PXDNL: variants seen among roughly 807,000 people sequenced by gnomAD.
The protein encoded by PXDNL is probable oxidoreductase PXDNL.
Under a neutral mutation model 150.8 loss-of-function variants are expected in PXDNL, and 145 were observed. The observed-to-expected ratio is 0.96, with a 90% CI of 0.84 to 1.10. The LOEUF (loss-of-function observed/expected upper bound fraction) is 1.10, where lower values mean the gene tolerates loss of function less well. Among genes scored for constraint, PXDNL ranks in the 50% least tolerant of loss-of-function variants. The pLI, the probability that PXDNL is intolerant of heterozygous loss-of-function variation, is 0.00. For synonymous variants in PXDNL, 757 were observed against 725.7 expected (o/e 1.04, Z -0.69); for missense variants, 2,087 against 1,873.9 (o/e 1.11, Z -2.10).
intron 1 of PXDNL, among the ~76,000 whole-genome samples, chr8:51,704,173 A>G (rs573070945): frequency 3.9e-5 from 6 of 152,352 alleles, no homozygotes; most frequent in Admixed American, 2.0e-4. Context: ...AATTTACCAT[A>G]TAAATGTGTA....
chr8:51,382,083 C>T lies in PXDNL; in HGVS notation c.3558-7352G>A, dbSNP rs1035188505. Among the ~76,000 whole-genome samples the T allele has an allele frequency of 5.9e-5, 9 of 152,144 alleles. No individual in the cohort carries two copies. In the South Asian group the frequency reaches 1.0e-3, roughly 18 times the overall value. The stretch of plus-strand genomic sequence containing the variant: ...CGATCTCCTGACCTTGTGATCTGCC[C>T]GCCTTGGCCTCCCAAAGTGCTGGGA... On this transcript the variant is annotated intron_variant, in intron 17 of 22. Transcript: ENST00000356297.
intron 2 of PXDNL, among the ~76,000 whole-genome samples, chr8:51,647,323 A>G (rs1048639196): frequency 6.6e-6 from 1 of 152,124 alleles, no homozygotes; most frequent in Non-Finnish European, 1.5e-5. Context: ...GTATCAAAAT[A>G]CCGACACATG....
chr8:51,420,691 T>A (rs1051930763), intron 14 of PXDNL, among the ~76,000 whole-genome samples: 1 of 152,198 alleles, frequency 6.6e-6, no homozygotes, highest in African/African-American at 2.4e-5. Context: ...CTGAATGTTT[T>A]ACTTTTGTTT....
intron 2 of PXDNL, among the ~76,000 whole-genome samples, chr8:51,614,626 A>G (rs1814094293): frequency 6.6e-6 from 1 of 152,138 alleles, no homozygotes; most frequent in African/African-American, 2.4e-5. Context: ...TTTTCTTTTA[A>G]CCCTGTATTA....
intron 4 of PXDNL, among the ~76,000 whole-genome samples, chr8:51,510,450 C>T (rs1200598161): frequency 1.3e-5 from 2 of 152,078 alleles, no homozygotes; most frequent in Admixed American, 1.3e-4. Flanking sequence ...TGGTTTCCTC[C>T]AACACAGTGG....
At chr8:51,473,899 T>C (rs1488274965) in intron 7 of PXDNL, among the ~76,000 whole-genome samples, 3 of 152,156 alleles carry the variant, frequency 2.0e-5, no homozygotes, top group Admixed American at 6.5e-5. Context: ...TGTATTAAGA[T>C]GTGTTTTTAA....
At chr8:51,493,172 G>A (rs1330112920) in intron 5 of PXDNL, among the ~76,000 whole-genome samples, 2 of 152,170 alleles carry the variant, frequency 1.3e-5, no homozygotes, top group Non-Finnish European at 2.9e-5. Context: ...AGGCAAACAG[G>A]ATCTGGAGTG....
At chr8:51,727,184 T>G (rs4873584) in intron 1 of PXDNL, among the ~76,000 whole-genome samples, 114,136 of 152,172 alleles carry the variant, frequency 0.75, 43,068 homozygotes, top group East Asian at 0.86. Context: ...AGGAACAAGA[T>G]AGTTTGCATG....
intron 12 of PXDNL, among the ~76,000 whole-genome samples, chr8:51,438,699 A>G (rs1187576556): frequency 2.6e-5 from 4 of 152,176 alleles, no homozygotes; most frequent in East Asian, 1.9e-4. Flanking sequence ...TGGGCAACAG[A>G]GCAAGACTCC....
chr8:51,697,867 C>T (rs1447623066), intron 1 of PXDNL, among the ~76,000 whole-genome samples: 1 of 152,136 alleles, frequency 6.6e-6, no homozygotes, highest in African/African-American at 2.4e-5. Context: ...CAGGCCAACT[C>T]AATAAAGCAA....
chr8:51,458,549 A>G (rs1033603631), intron 8 of PXDNL, among the ~76,000 whole-genome samples: 2 of 152,334 alleles, frequency 1.3e-5, no homozygotes, highest in African/African-American at 4.8e-5. Context: ...CTCCATCTTC[A>G]TCACTCAATA....
intron 4 of PXDNL, among the ~76,000 whole-genome samples, chr8:51,510,874 T>G (rs1194676635): frequency 6.6e-6 from 1 of 152,114 alleles, no homozygotes; most frequent in African/African-American, 2.4e-5. Context: ...TGGTCTGTAT[T>G]TTTTTAAGCA....
chr8:51,681,904 A>G (rs932626603), intron 1 of PXDNL, among the ~76,000 whole-genome samples: 5 of 152,222 alleles, frequency 3.3e-5, no homozygotes, highest in African/African-American at 7.2e-5. Flanking sequence ...GTATAAATCT[A>G]TCATACAAAT....
chr8:51,686,131 A>T (rs1298421163), intron 1 of PXDNL, among the ~76,000 whole-genome samples: 3 of 152,150 alleles, frequency 2.0e-5, no homozygotes, highest in Non-Finnish European at 4.4e-5. Flanking sequence ...CTCTGTCCTC[A>T]GTTCTTCTTC....
At chr8:51,487,479 G>A (rs749583905) in intron 5 of PXDNL, among the ~76,000 whole-genome samples, 3 of 151,540 alleles carry the variant, frequency 2.0e-5, no homozygotes, top group East Asian at 1.9e-4. Context: ...CAGTCTGGTC[G>A]ACTCTGTGTT....
chr8:51,771,121 T>A (rs779944954), intron 1 of PXDNL, among the ~76,000 whole-genome samples: 1 of 152,180 alleles, frequency 6.6e-6, no homozygotes, highest in Non-Finnish European at 1.5e-5. Context: ...GACCTACAGT[T>A]TGATTTTCAA....
chr8:51,754,252 A>G (rs1482700337), intron 1 of PXDNL, among the ~76,000 whole-genome samples: 1 of 152,194 alleles, frequency 6.6e-6, no homozygotes. Context: ...GTAGATTGTC[A>G]GTGAAAAAAA....
At chr8:51,668,696 G>A (rs1815439754) in intron 1 of PXDNL, among the ~76,000 whole-genome samples, 1 of 151,914 alleles carries the variant, frequency 6.6e-6, no homozygotes, top group Non-Finnish European at 1.5e-5. Flanking sequence ...CACAATTCTG[G>A]CATCATTATC....
At chr8:51,808,619 CACAAG>C (rs2037703165) in intron 1 of PXDNL, among the ~76,000 whole-genome samples, 1 of 152,156 alleles carries the variant, frequency 6.6e-6, no homozygotes, top group African/African-American at 2.4e-5. Context: ...GCGGCTGCTC[CACAAG>C]GCTTTTAAGC....
Sources: allele counts gnomAD v4.1 joint callset (sites outside exome capture counted in the v4.1 genomes callset), GRCh38; gene constraint gnomAD v4.1.1; transcripts MANE v1.5; gene names NCBI Gene and HGNC (gene_info 2026-07-23, HGNC 2026-07-21).